RBFOX1: variants seen among roughly 807,000 people sequenced by gnomAD.
RBFOX1 encodes the protein RNA binding protein fox-1 homolog 1.
A neutral mutation model predicts 57.7 loss-of-function variants in RBFOX1; 8 were observed. The observed-to-expected ratio is 0.14, with a 90% CI of 0.08 to 0.25. The LOEUF (loss-of-function observed/expected upper bound fraction) is 0.25, where lower values mean the gene tolerates loss of function less well. Among genes scored for constraint, RBFOX1 ranks in the 10% least tolerant of loss-of-function variants. The pLI, the probability that RBFOX1 is intolerant of heterozygous loss-of-function variation, is 1.00. For synonymous variants in RBFOX1, 326 were observed against 222.4 expected (o/e 1.47, Z -4.15); for missense variants, 611 against 548.5 (o/e 1.11, Z -1.14).
chr16:6,419,968 G>T (rs2093729665), intron 2 of RBFOX1, among the ~76,000 whole-genome samples: 1 of 152,060 alleles, frequency 6.6e-6, no homozygotes, highest in African/African-American at 2.4e-5. Flanking sequence ...TTCCCTTCTG[G>T]CCTGTCAGGT....
intron 4 of RBFOX1, among the ~76,000 whole-genome samples, chr16:7,408,043 T>C (rs1304882154): frequency 6.6e-6 from 1 of 152,196 alleles, no homozygotes; most frequent in African/African-American, 2.4e-5. Flanking sequence ...CTGATAACCC[T>C]TGCTTTACAC....
At chr16:6,813,786 A>T (rs1362760914) in intron 3 of RBFOX1, among the ~76,000 whole-genome samples, 2 of 152,192 alleles carry the variant, frequency 1.3e-5, no homozygotes, top group East Asian at 1.9e-4. Context: ...ACCTGCAGAG[A>T]TGCGGAGGAT....
intron 3 of RBFOX1, among the ~76,000 whole-genome samples, chr16:6,741,525 T>C (rs2072108185): frequency 6.6e-6 from 1 of 151,790 alleles, no homozygotes; most frequent in African/African-American, 2.4e-5. Context: ...TTAGCCAGGC[T>C]AACTTTGGTG....
chr16:5,590,831 T>C (rs79429295), intron 2 of RBFOX1, among the ~76,000 whole-genome samples: 8,201 of 152,232 alleles, frequency 0.054, 707 homozygotes, highest in African/African-American at 0.18. Flanking sequence ...AATGCAGTGA[T>C]TGATTAGTAC....
chr16:7,709,644 A>T (rs1009661239), intron 15 of RBFOX1: 2 of 1,524,476 alleles, frequency 1.3e-6, no homozygotes, highest in Non-Finnish European at 8.8e-7. Context: ...GAAAATAGAG[A>T]GGGGCACACT....
chr16:7,179,317 T>G (rs554539855), intron 4 of RBFOX1, among the ~76,000 whole-genome samples: 2 of 152,222 alleles, frequency 1.3e-5, no homozygotes, highest in South Asian at 4.2e-4. Context: ...TGTTCAAACA[T>G]TCTCAAAGCA....
chr16:5,592,395 T>C (rs185121336), intron 2 of RBFOX1, among the ~76,000 whole-genome samples: 4 of 152,234 alleles, frequency 2.6e-5, no homozygotes, highest in Non-Finnish European at 5.9e-5. Flanking sequence ...GGATCTTCAC[T>C]ACCACTCTGA....
chr16:7,161,893 A>T (rs1211235113), intron 4 of RBFOX1, among the ~76,000 whole-genome samples: 1 of 152,214 alleles, frequency 6.6e-6, no homozygotes, highest in Non-Finnish European at 1.5e-5. Context: ...GAGAAAGGTG[A>T]TGTTTATTCT....
At chr16:5,847,289 C>A (rs1214117893) in intron 3 of RBFOX1, among the ~76,000 whole-genome samples, 1 of 151,452 alleles carries the variant, frequency 6.6e-6, no homozygotes. Flanking sequence ...GACTTGGATT[C>A]CATTTCCAGC....
chr16:5,688,275 T>A (rs1018604082), intron 3 of RBFOX1, among the ~76,000 whole-genome samples: 1 of 152,216 alleles, frequency 6.6e-6, no homozygotes, highest in Non-Finnish European at 1.5e-5. Context: ...GCATGACAAT[T>A]TATTTTGTTA....
chr16:6,062,988 A>C (rs564965190), intron 1 of RBFOX1, among the ~76,000 whole-genome samples: 7 of 152,190 alleles, frequency 4.6e-5, no homozygotes, highest in African/African-American at 1.7e-4. Context: ...AAGAACTTCA[A>C]TGGATTCAGT....
intron 4 of RBFOX1, among the ~76,000 whole-genome samples, chr16:5,998,356 G>C: frequency 6.6e-6 from 1 of 152,150 alleles, no homozygotes; most frequent in East Asian, 1.9e-4. Flanking sequence ...ATTTACATTT[G>C]CATTGTCTAT....
At chr16:6,333,853 A>T (rs1302774723) in intron 2 of RBFOX1, among the ~76,000 whole-genome samples, 1 of 152,248 alleles carries the variant, frequency 6.6e-6, no homozygotes, top group Non-Finnish European at 1.5e-5. Flanking sequence ...TCATATCACT[A>T]GATGATTTTC....
chr16:7,302,006 C>T (rs2096046700), intron 4 of RBFOX1, among the ~76,000 whole-genome samples: 1 of 152,140 alleles, frequency 6.6e-6, no homozygotes, highest in Non-Finnish European at 1.5e-5. Flanking sequence ...AATGTGACCT[C>T]TGATGCAACG....
At chr16:6,174,137 C>T (rs2096984729) in intron 1 of RBFOX1, among the ~76,000 whole-genome samples, 1 of 152,164 alleles carries the variant, frequency 6.6e-6, no homozygotes, top group Admixed American at 6.5e-5. Context: ...TTGGTTTGCA[C>T]TTCTATGAGT....
chr16:6,572,079 A>C (rs980404685), intron 2 of RBFOX1, among the ~76,000 whole-genome samples: 2 of 152,184 alleles, frequency 1.3e-5, no homozygotes, highest in Non-Finnish European at 2.9e-5. Context: ...TTTTTCTGCC[A>C]ATACACACTT....
intron 4 of RBFOX1, among the ~76,000 whole-genome samples, chr16:7,173,520 G>A (rs939298398): frequency 9.2e-5 from 14 of 151,574 alleles, no homozygotes; most frequent in African/African-American, 3.4e-4. Flanking sequence ...AAGTCATTTT[G>A]TCTCATTCCT....
intron 4 of RBFOX1, among the ~76,000 whole-genome samples, chr16:7,218,681 T>TGTGTG (rs2092468781): frequency 7.2e-6 from 1 of 138,672 alleles, no homozygotes; most frequent in Non-Finnish European, 1.5e-5. Flanking sequence ...TGTGTGTGTG[T>TGTGTG]CCTTTTGTTC....
intron 3 of RBFOX1, among the ~76,000 whole-genome samples, chr16:6,875,120 C>G (rs943430999): frequency 6.6e-6 from 1 of 152,058 alleles, no homozygotes; most frequent in African/African-American, 2.4e-5. Context: ...ACTGTGTTAC[C>G]CTAAGTTGCT....
Sources: allele counts gnomAD v4.1 joint callset (sites outside exome capture counted in the v4.1 genomes callset), GRCh38; gene constraint gnomAD v4.1.1; transcripts MANE v1.5; gene names NCBI Gene and HGNC (gene_info 2026-07-23, HGNC 2026-07-21).